Variants in DNAH11 observed in about 807,000 individuals in gnomAD.
The protein encoded by DNAH11 is dynein axonemal heavy chain 11.
Under a neutral mutation model 526.0 loss-of-function variants are expected in DNAH11, and 442 were observed. The ratio of observed to expected loss-of-function variants is 0.84; its 90% CI spans 0.78 to 0.91. The LOEUF (loss-of-function observed/expected upper bound fraction) is 0.91, where lower values mean the gene tolerates loss of function less well. DNAH11 is among the 40% of genes least tolerant of loss of function. The pLI is 0.00. For missense variants in DNAH11, 6,989 were observed against 5,448.7 expected, an observed-to-expected ratio of 1.28 and a Z score of -8.90; for synonymous variants, 2,461 against 1,935.9, an observed-to-expected ratio of 1.27 and a Z score of -7.12.
chr7:21,700,888 T>A (rs1009992113), intron 36 of DNAH11, among the ~76,000 whole-genome samples: 1 of 151,998 alleles, frequency 6.6e-6, no homozygotes, highest in Non-Finnish European at 1.5e-5. Context: ...ATATTCTCAC[T>A]CATAAGTAGG....
intron 65 of DNAH11, among the ~76,000 whole-genome samples, chr7:21,838,289 G>C (rs1379466686): frequency 1.3e-5 from 2 of 152,214 alleles, no homozygotes; most frequent in Non-Finnish European, 2.9e-5. Context: ...CTGAGAAACT[G>C]TATTAGCATG....
chr7:21,850,124 A>G (rs1341360149), intron 66 of DNAH11, among the ~76,000 whole-genome samples: 3 of 151,982 alleles, frequency 2.0e-5, no homozygotes, highest in African/African-American at 4.8e-5. Flanking sequence ...TGGGAGGCCA[A>G]GGCAGGCGGA....
intron 80 of DNAH11, among the ~76,000 whole-genome samples, chr7:21,899,652 A>C (rs1172530134): frequency 6.6e-6 from 1 of 152,190 alleles, no homozygotes. Flanking sequence ...CTCCTATAGC[A>C]GCAAGAGTAG....
intron 2 of DNAH11, among the ~76,000 whole-genome samples, chr7:21,548,689 A>T (rs1782901371): frequency 6.6e-6 from 1 of 152,162 alleles, no homozygotes; most frequent in South Asian, 2.1e-4. Context: ...GGGCACATGG[A>T]AAGCTGGGTA....
Position 21,687,276 on chromosome 7 carries a change from T to C in DNAH11, c.5778+21T>C, listed in dbSNP as rs138360716. On this transcript the variant is annotated intron_variant, in intron 33 of 81. Coordinates refer to ENST00000409508, the MANE Select transcript of DNAH11 (RefSeq NM_001277115.2). The stretch of plus-strand genomic sequence containing the variant: ...ACAAAGTAAGTTAGTAAGAGAATAA[T>C]GTGTAAAACTTTATTCTCTAACATT... The C allele has an allele frequency of 8.5e-4, 1,323 of 1,558,966 alleles. 3 individuals are homozygous for C. The African/African-American group carries it at 0.016, about 18-fold the overall frequency.
intron 79 of DNAH11, among the ~76,000 whole-genome samples, chr7:21,898,384 C>G (rs143618531): frequency 6.6e-6 from 1 of 152,190 alleles, no homozygotes; most frequent in Non-Finnish European, 1.5e-5. Flanking sequence ...TTCTTCTTCA[C>G]GGCCCAGAGT....
intron 32 of DNAH11, among the ~76,000 whole-genome samples, chr7:21,685,007 C>T (rs1016393329): frequency 2.6e-5 from 4 of 152,162 alleles, no homozygotes; most frequent in African/African-American, 9.7e-5. Context: ...CTATGGTAGT[C>T]CTGAGAGGCT....
chr7:21,887,740 C>T (rs796760743), intron 76 of DNAH11, among the ~76,000 whole-genome samples: 4 of 152,264 alleles, frequency 2.6e-5, no homozygotes, highest in South Asian at 4.2e-4. Flanking sequence ...CAATGGGAAT[C>T]CTTTAGTAAA....
At chr7:21,599,251 T>C (rs935660029) in intron 14 of DNAH11, among the ~76,000 whole-genome samples, 2 of 152,208 alleles carry the variant, frequency 1.3e-5, no homozygotes, top group African/African-American at 2.4e-5. Flanking sequence ...GCATCTGTTA[T>C]TTTTTGACTT....
intron 25 of DNAH11, among the ~76,000 whole-genome samples, chr7:21,635,405 C>G (rs1284060843): frequency 1.3e-5 from 2 of 152,176 alleles, no homozygotes; most frequent in Non-Finnish European, 1.5e-5. Context: ...ATCCGCCCAC[C>G]TCGGCCTCCC....
rs117553770 is a variant in DNAH11, at chr7:21,733,452, T to C, written c.7441-2188T>C. ...AAAAGTGCCTGCTCCCTCCACTTTA[T>C]GTATTTGGAAATCTTGCTTTTTGTT... On this transcript the variant is annotated intron_variant, in intron 45 of 81. Coordinates refer to ENST00000409508, the MANE Select transcript of DNAH11 (RefSeq NM_001277115.2). Among the ~76,000 whole-genome samples the C allele has an allele frequency of 7.7e-4, 117 of 152,304 alleles. 3 individuals carry two copies. The East Asian group carries it at 0.02, about 26-fold the overall frequency.
chr7:21,608,994 G>T (rs926926873), intron 20 of DNAH11, among the ~76,000 whole-genome samples: 2 of 152,072 alleles, frequency 1.3e-5, no homozygotes, highest in East Asian at 1.9e-4. Context: ...TTCTGGGCTG[G>T]TATGGTGGAC....
In DNAH11 at chr7:21,545,168, T is replaced by G. The variant is rs1218585077; in HGVS notation, c.495+19T>G. The G allele has an allele frequency of 6.3e-7, 1 of 1,583,266 alleles. No individual in the cohort carries two copies. Among genetic ancestry groups the G allele is most frequent in the Admixed American group, 1.8e-5 (1 of 55,840 alleles). Reference sequence around the variant, plus strand: ...TGATGAGGTACTGGTCTGTCTTTAATATTTAAAGCTTTCACTTATCTCCAT... The same window carrying G: ...TGATGAGGTACTGGTCTGTCTTTAAGATTTAAAGCTTTCACTTATCTCCAT... On this transcript the variant is annotated intron_variant, in intron 2 of 81. Transcript: ENST00000409508.
In DNAH11 at chr7:21,569,802, A is replaced by G. The variant is rs76417278; in HGVS notation, c.1195-267A>G. On this transcript the variant is annotated intron_variant, in intron 6 of 81. Transcript: ENST00000409508. ...ATGCAAATTACATGACAGTTGTCAT[A>G]TAATGAGGCTTAGCAACAATTTAGT... Among the ~76,000 whole-genome samples the G allele has an allele frequency of 0.039, 5,924 of 152,336 alleles. 390 individuals carry two copies. The highest frequency in any genetic ancestry group is 0.13 in the African/African-American group (5,591 of 41,576).
intron 28 of DNAH11, among the ~76,000 whole-genome samples, chr7:21,649,201 G>A (rs1214549683): frequency 6.6e-6 from 1 of 152,198 alleles, no homozygotes; most frequent in Non-Finnish European, 1.5e-5. Flanking sequence ...AGTATTATAA[G>A]TTAGTACAAC....
intron 65 of DNAH11, among the ~76,000 whole-genome samples, chr7:21,837,288 G>A (rs184240153): frequency 6.6e-6 from 1 of 152,292 alleles, no homozygotes; most frequent in Admixed American, 6.5e-5. Flanking sequence ...GCACTTGCAT[G>A]TTTATTGTAG....
chr7:21,592,765 G>A (rs567297626), intron 14 of DNAH11, among the ~76,000 whole-genome samples: 1 of 152,318 alleles, frequency 6.6e-6, no homozygotes, highest in Admixed American at 6.5e-5. Flanking sequence ...TTGCTTTGAG[G>A]AATCAGAGGA....
In DNAH11 at chr7:21,702,595, A is replaced by G. The variant is rs1784110988; in HGVS notation, c.6181-115A>G. The stretch of plus-strand genomic sequence containing the variant: ...GCAGAAGAAAATAGTATTTTGAATC[A>G]TTAAAGTGTGTATTTATCTGAACTC... On this transcript the variant is annotated intron_variant, in intron 36 of 81. Coordinates refer to ENST00000409508, the MANE Select transcript of DNAH11 (RefSeq NM_001277115.2). The G allele has an allele frequency of 1.0e-5, 8 of 777,976 alleles. No individual in the cohort carries two copies. In the East Asian group the frequency reaches 2.2e-4, roughly 21 times the overall value. The allele number at this position is 777,976 out of a possible 1,614,324, so 48.2% of individuals were successfully genotyped here. A position where few individuals can be genotyped will look rare whatever the true frequency, so the allele number is the denominator to read the frequency against.
intron 28 of DNAH11, 107 bp from the exon 29 acceptor site, chr7:21,655,725 A>ACT: frequency 1.7e-6 from 2 of 1,146,208 alleles, no homozygotes; most frequent in Non-Finnish European, 2.4e-6. Context: ...TTTTGAGACA[A>ACT]CTCTAACTCC....
Sources: gnomAD v4.1 joint callset for allele counts (sites outside exome capture counted in the v4.1 genomes callset) on GRCh38, gnomAD v4.1.1 for gene constraint, MANE v1.5 for transcripts, NCBI Gene and HGNC (gene_info 2026-07-23, HGNC 2026-07-21) for gene names.